Variants in ATP10A observed in about 807,000 individuals in gnomAD.
ATP10A encodes the protein phospholipid-transporting ATPase VA.
A neutral mutation model predicts 147.8 loss-of-function variants in ATP10A; 111 were observed. The observed-to-expected ratio is 0.75, with a 90% CI of 0.64 to 0.88. The LOEUF is 0.88. ATP10A is among the 40% of genes least tolerant of loss of function. ATP10A has a pLI of 0.00. For missense variants in ATP10A, 1,927 were observed against 1,959.0 expected (o/e 0.98, Z 0.31); for synonymous variants, 875 against 841.6 (o/e 1.04, Z -0.69).
chr15:25,704,100 T>C (rs924598284), intron 12 of ATP10A, among the ~76,000 whole-genome samples: 1 of 152,216 alleles, frequency 6.6e-6, no homozygotes, highest in African/African-American at 2.4e-5. Context: ...CCTTGGGCTC[T>C]AGTAGGGGGG....
At chr15:25,757,498 G>A (rs1291932309) in intron 2 of ATP10A, among the ~76,000 whole-genome samples, 1 of 151,902 alleles carries the variant, frequency 6.6e-6, no homozygotes, top group African/African-American at 2.4e-5. Flanking sequence ...TGTTAAAAAA[G>A]AGCAATTCTA....
chr15:25,738,167 C>A (rs916006889), intron 2 of ATP10A, among the ~76,000 whole-genome samples: 1 of 152,098 alleles, frequency 6.6e-6, no homozygotes, highest in Non-Finnish European at 1.5e-5. Context: ...TTAGGAAATA[C>A]ATTGATTTAT....
intron 6 of ATP10A, 46 bp from the exon 7 acceptor site, chr15:25,721,955 G>T: frequency 6.4e-7 from 1 of 1,572,420 alleles, no homozygotes; most frequent in Non-Finnish European, 8.7e-7. Flanking sequence ...GAGGACCAGG[G>T]AGCTGGGGAA....
At position 25,708,187 on chromosome 15, in the gene ATP10A, C is replaced by A. The variant is rs1901164385; in HGVS notation, c.2448+10G>T. The stretch of plus-strand genomic sequence containing the variant: ...TGCACGTGCACCCTCGCGGAGACAC[C>A]CCCACTCACTCTCTTGGCGATGCAC... On this transcript the variant is annotated intron_variant, in intron 11 of 20. Coordinates refer to ENST00000555815, the MANE Select transcript of ATP10A (RefSeq NM_024490.4). 8 of 1,614,144 alleles carry A rather than the reference C, an allele frequency of 5.0e-6. No individual in the cohort carries two copies. Among genetic ancestry groups the A allele is most frequent in the Non-Finnish European group, 6.8e-6 (8 of 1,180,012 alleles).
intron 13 of ATP10A, among the ~76,000 whole-genome samples, chr15:25,700,686 CA>C (rs1287850985): frequency 6.6e-6 from 1 of 152,044 alleles, no homozygotes; most frequent in Non-Finnish European, 1.5e-5. Context: ...AGGGAAGTTA[CA>C]ATTGCACGGG....
chr15:25,845,415 A>T (rs750722407), intron 1 of ATP10A, among the ~76,000 whole-genome samples: 1 of 152,082 alleles, frequency 6.6e-6, no homozygotes, highest in Non-Finnish European at 1.5e-5. Flanking sequence ...CTCCACCAAC[A>T]TACACACTGA....
intron 1 of ATP10A, among the ~76,000 whole-genome samples, chr15:25,816,168 A>G (rs1232773582): frequency 6.6e-6 from 1 of 152,022 alleles, no homozygotes; most frequent in Non-Finnish European, 1.5e-5. Flanking sequence ...AACTTCGAGA[A>G]CAATAAAAAT....
Position 25,695,085 on chromosome 15 carries a change from C to G in ATP10A, c.2822G>C (p.Arg941Thr). 3.7e-6 allele frequency: 6 copies of G among 1,614,144 alleles called. No individual in the cohort carries two copies. The highest frequency in any genetic ancestry group is 5.1e-6 in the Non-Finnish European group (6 of 1,180,032). ...TTTGCCCTTGGTCTTCTCAGGGGCT[C>G]TCTGGAGGCCTCTGGACTGCACGTA... The part of the protein sequence containing the change: ...LCYVQSRGLQ[R>T]APEKTKGKVS... Residue 941 changes from arginine to threonine, a missense_variant, in exon 14 of 21, where the codon AGA becomes ACA. Transcript: ENST00000555815.
intron 1 of ATP10A, among the ~76,000 whole-genome samples, chr15:25,799,417 C>A (rs1402355762): frequency 6.6e-6 from 1 of 152,172 alleles, no homozygotes; most frequent in African/African-American, 2.4e-5. Context: ...AAGGCTGGCA[C>A]TACAAACTCA....
chr15:25,673,665 C>A (rs1899085111), downstream of ATP10A, among the ~76,000 whole-genome samples: 1 of 152,194 alleles, frequency 6.6e-6, no homozygotes, highest in Non-Finnish European at 1.5e-5. Context: ...CAGAGAAGGC[C>A]TTGCATGCCC....
chr15:25,673,907 C>T (rs1176469268), downstream of ATP10A, among the ~76,000 whole-genome samples: 2 of 152,122 alleles, frequency 1.3e-5, no homozygotes, highest in African/African-American at 4.8e-5. Context: ...GTGCAGGTGC[C>T]GAGGGAGACA....
Position 25,863,163 on chromosome 15 carries a change from CAT to C in ATP10A, c.-69_-68del. The C allele has an allele frequency of 9.5e-7, 1 of 1,052,060 alleles. No individual in the cohort carries two copies. The highest frequency in any genetic ancestry group is 4.5e-5 in the South Asian group (1 of 21,982). The allele number at this position is 1,052,060 out of a possible 1,614,324, so 65.2% of individuals were successfully genotyped here. A position where few individuals can be genotyped will look rare whatever the true frequency, so the allele number is the denominator to read the frequency against. On this transcript the variant is annotated 5_prime_UTR_variant, in exon 1 of 21. It removes an upstream start codon present in the reference 5' UTR. Transcript: ENST00000555815. ...CGCCCGCGCCGGCCTCTTAGGTTAT[CAT>C]CACTCGCGGCCCGGGCGCGGCGGTG...
At chr15:25,809,225 TG>T (rs941377783) in intron 1 of ATP10A, among the ~76,000 whole-genome samples, 27 of 151,214 alleles carry the variant, frequency 1.8e-4, no homozygotes, top group African/African-American at 6.6e-4. Flanking sequence ...GAGTGTGGGG[TG>T]GGGTGGGCCC....
intron 19 of ATP10A, 124 bp from the exon 20 acceptor site, chr15:25,680,432 G>A (rs927535911): frequency 3.2e-5 from 33 of 1,041,962 alleles, no homozygotes; most frequent in Middle Eastern, 2.2e-4. Context: ...GACACACTGC[G>A]GTCTATGACG....
chr15:25,705,394 C>T (rs974313394), intron 12 of ATP10A, among the ~76,000 whole-genome samples: 4 of 148,358 alleles, frequency 2.7e-5, no homozygotes, highest in African/African-American at 1.0e-4. Context: ...TGTGATCGCA[C>T]CATTGCACTC....
intron 1 of ATP10A, among the ~76,000 whole-genome samples, chr15:25,824,948 CCCA>C (rs1892055695): frequency 6.6e-6 from 1 of 151,972 alleles, no homozygotes; most frequent in Non-Finnish European, 1.5e-5. Context: ...TTCGCTTAAG[CCCA>C]GGAGTCTGAG....
intron 2 of ATP10A, among the ~76,000 whole-genome samples, chr15:25,771,272 C>A (rs1391541544): frequency 1.3e-5 from 2 of 152,062 alleles, no homozygotes; most frequent in Non-Finnish European, 2.9e-5. Context: ...AAGGACATGC[C>A]AATCATAACA....
At chr15:25,835,915 G>A (rs767564654) in intron 1 of ATP10A, among the ~76,000 whole-genome samples, 45 of 152,330 alleles carry the variant, frequency 3.0e-4, no homozygotes, top group Non-Finnish European at 6.5e-4. Context: ...CGGGGCTCAC[G>A]CCATTCTCCC....
the ATP10A span, among the ~76,000 whole-genome samples, chr15:25,672,239 G>A: frequency 3.9e-5 from 6 of 152,182 alleles, no homozygotes; most frequent in South Asian, 4.1e-4. Context: ...CACCGTGCCC[G>A]GCCCGTCCTT....
Sources: allele counts gnomAD v4.1 joint callset (sites outside exome capture counted in the v4.1 genomes callset), GRCh38; gene constraint gnomAD v4.1.1; transcripts MANE v1.5; gene names NCBI Gene and HGNC (gene_info 2026-07-23, HGNC 2026-07-21).